Variants in USP40 observed in about 807,000 individuals in gnomAD.
The protein encoded by USP40 is ubiquitin specific peptidase 40, also known as ubiquitin carboxyl-terminal hydrolase 40.
In USP40, 143 loss-of-function variants were observed where a neutral mutation model predicts 166.2. The ratio of observed to expected loss-of-function variants is 0.86; its 90% CI spans 0.75 to 0.99. The LOEUF (loss-of-function observed/expected upper bound fraction) is 0.99, where lower values mean the gene tolerates loss of function less well. Among genes scored for constraint, USP40 ranks in the 50% least tolerant of loss-of-function variants. The pLI, the probability that USP40 is intolerant of heterozygous loss-of-function variation, is 0.00. For missense variants in USP40, 1,444 were observed against 1,479.7 expected (o/e 0.98, Z 0.40); for synonymous variants, 498 against 524.0 (o/e 0.95, Z 0.68).
At chr2:233,500,067 C>T (rs2065976650) in intron 21 of USP40, among the ~76,000 whole-genome samples, 152 bp from the exon 22 acceptor site, 1 of 152,136 alleles carries the variant, frequency 6.6e-6, no homozygotes, top group African/African-American at 2.4e-5. Context: ...GAAGATAATA[C>T]ACGAGTCAGC....
chr2:233,489,007 A>T (rs555847399), intron 27 of USP40, among the ~76,000 whole-genome samples: 1 of 152,198 alleles, frequency 6.6e-6, no homozygotes, highest in South Asian at 2.1e-4. Context: ...AAAGGAAATG[A>T]CCCAAACCTG....
chr2:233,527,664 A>G, intron 12 of USP40, 86 bp from the exon 13 acceptor site: 2 of 1,238,346 alleles, frequency 1.6e-6, no homozygotes, highest in Non-Finnish European at 2.1e-6. Context: ...TCTGGCTTAC[A>G]ATAAAGTTCT....
chr2:233,523,271 A>G lies in USP40; in HGVS notation c.2100T>C (p.Gly700=). 1 of 1,613,950 alleles carries G rather than the reference A, an allele frequency of 6.2e-7. No individual in the cohort carries two copies. The highest frequency in any genetic ancestry group is 8.5e-7 in the Non-Finnish European group (1 of 1,179,872). The part of the protein sequence containing the change: ...INSAGCPGGE[G]WTAIPKEDMR... ...TGTCTTCCTTGGGGATGGCCGTCCA[A>G]CCCTCCCCACCTGGACATCCAGCAC... Residue 700 remains glycine, a synonymous_variant, in exon 16 of 32, where the codon GGT becomes GGC. Coordinates refer to ENST00000678225, the MANE Select transcript of USP40 (RefSeq NM_001365479.2).
rs117751285 is a variant in USP40, at chr2:233,561,079, G to A, written c.268-1155C>T. Reference sequence around the variant, plus strand: ...TGATAATTAATAAAATTATTGCTTTGTGAACAAGCCACTTAATTCCTTCTT... The same window carrying A: ...TGATAATTAATAAAATTATTGCTTTATGAACAAGCCACTTAATTCCTTCTT... On this transcript the variant is annotated intron_variant, in intron 3 of 31. Coordinates refer to ENST00000678225, the MANE Select transcript of USP40 (RefSeq NM_001365479.2). 3.3e-3 allele frequency: 4,692 copies of A among 1,420,588 alleles called. 107 individuals are homozygous for A. In the East Asian group the frequency reaches 0.06, roughly 18 times the overall value. The allele number at this position is 1,420,588 out of a possible 1,614,324, so 88.0% of individuals were successfully genotyped here.
chr2:233,501,147 C>A (rs1452696709), intron 21 of USP40, among the ~76,000 whole-genome samples: 1 of 152,100 alleles, frequency 6.6e-6, no homozygotes, highest in Non-Finnish European at 1.5e-5. Flanking sequence ...AACTTAAAGC[C>A]TTAAACATTG....
intron 21 of USP40, among the ~76,000 whole-genome samples, chr2:233,508,732 G>T (rs2066599798): frequency 6.6e-6 from 1 of 151,980 alleles, no homozygotes; most frequent in Non-Finnish European, 1.5e-5. Context: ...TAGCTACCCT[G>T]GGATATAGTT....
At chr2:233,563,262 T>G (rs906073758) in intron 2 of USP40, among the ~76,000 whole-genome samples, 2 of 152,110 alleles carry the variant, frequency 1.3e-5, no homozygotes, top group Admixed American at 6.6e-5. Context: ...GTGTTGAAGG[T>G]AATAACAGAT....
chr2:233,529,644 A>AT (rs917022981), intron 11 of USP40, 132 bp from the exon 12 acceptor site: 34 of 521,462 alleles, frequency 6.5e-5, no homozygotes, highest in African/African-American at 6.3e-4. Flanking sequence ...GTGAATACGA[A>AT]TTTTCTCAGG....
intron 31 of USP40, among the ~76,000 whole-genome samples, 175 bp downstream of exon 31, chr2:233,481,028 G>C (rs1452603798): frequency 1.3e-5 from 2 of 152,178 alleles, no homozygotes; most frequent in Non-Finnish European, 2.9e-5. Flanking sequence ...CCAGGAGGAG[G>C]CACTCAAGGA....
Position 233,562,801 on chromosome 2 carries a change from C to T in USP40, c.202G>A (p.Ala68Thr), listed in dbSNP as rs2071770858. ...TLHFTPEFREALFSLGPEELG... is the reference protein window; with the variant it reads ...TLHFTPEFRETLFSLGPEELG... ...TCTTCTGGGCCAAGAGAAAATAGAG[C>T]TTCTAAAGAAAAAGGTAGAATCAGA... Residue 68 changes from alanine to threonine, a missense_variant and splice_region_variant, in exon 3 of 32, where the codon GCT becomes ACT. By Grantham distance (58) the Ala-to-Thr change is moderately conservative. Transcript: ENST00000678225. 1 of 1,529,400 alleles carries T rather than the reference C, an allele frequency of 6.5e-7. No individual in the cohort carries two copies. The highest frequency in any genetic ancestry group is 2.5e-5 in the East Asian group (1 of 40,490). 94.7% of individuals were successfully genotyped at this position (1,529,400 alleles called of 1,614,324 possible).
intron 22 of USP40, among the ~76,000 whole-genome samples, chr2:233,499,601 T>C (rs190587590): frequency 6.6e-6 from 1 of 152,302 alleles, no homozygotes; most frequent in Admixed American, 6.5e-5. Flanking sequence ...TCCACAATGG[T>C]TGACCTAATT....
intron 17 of USP40, 102 bp from the exon 18 acceptor site, chr2:233,519,773 T>C: frequency 1.6e-6 from 1 of 616,538 alleles, no homozygotes; most frequent in South Asian, 2.6e-5. Flanking sequence ...GAGATATTAA[T>C]TACCTGACAT....
intron 11 of USP40, among the ~76,000 whole-genome samples, chr2:233,532,243 A>G (rs1251434558): frequency 2.6e-5 from 4 of 152,194 alleles, no homozygotes; most frequent in Non-Finnish European, 5.9e-5. Flanking sequence ...CCTGCAGCCA[A>G]TCAGACTGAT....
rs141241074 is a variant in USP40, at chr2:233,543,131, G to A, written c.967-768C>T. Among the ~76,000 whole-genome samples, 98 of 152,224 alleles carry A rather than the reference G, an allele frequency of 6.4e-4. 1 individual carries two copies. The South Asian group carries it at 0.017, about 26-fold the overall frequency. On this transcript the variant is annotated intron_variant, in intron 8 of 31. Coordinates refer to ENST00000678225, the MANE Select transcript of USP40 (RefSeq NM_001365479.2). ...ATTGGGGAACATGTCAAAATTCCCC[G>A]GTAAGTTATTTTCATTGCCTTTTAT... is the stretch of plus-strand genomic sequence containing the variant.
At chr2:233,558,492 G>A (rs1050471955) in intron 4 of USP40, among the ~76,000 whole-genome samples, 1 of 152,162 alleles carries the variant, frequency 6.6e-6, no homozygotes, top group African/African-American at 2.4e-5. Context: ...AGTACTTTAA[G>A]TGAAAGAAGA....
intron 21 of USP40, among the ~76,000 whole-genome samples, chr2:233,507,610 T>C (rs933578629): frequency 2.0e-5 from 3 of 148,420 alleles, no homozygotes; most frequent in Non-Finnish European, 4.5e-5. Flanking sequence ...CACTCATATG[T>C]GGAATCTTAA....
At position 233,491,222 on chromosome 2, in the gene USP40, T is replaced by C. The variant is rs2065315727; in HGVS notation, c.2957A>G (p.Tyr986Cys). The change falls in exon 26 of 32, where the codon TAC becomes TGC. Residue 986 changes from tyrosine to cysteine, a missense_variant. Tyr to Cys is a radical substitution (Grantham distance 194, BLOSUM62 -2). Transcript: ENST00000678225. Reference protein sequence around the residue: ...GNEPAQVSLLYLGDIEISEDA... With the variant: ...GNEPAQVSLLCLGDIEISEDA... ...TTCTGAGATCTCTATGTCTCCCAAG[T>C]AGAGGAGAGAAACTTGCGCAGGCTC... 4 of 1,612,382 alleles carry C rather than the reference T, an allele frequency of 2.5e-6. No individual in the cohort carries two copies. The East Asian group carries it at 6.7e-5, about 27-fold the overall frequency.
intron 2 of USP40, among the ~76,000 whole-genome samples, 200 bp from the exon 3 acceptor site, chr2:233,563,003 G>T (rs986668671): frequency 6.6e-6 from 1 of 152,036 alleles, no homozygotes; most frequent in African/African-American, 2.4e-5. Context: ...GTCATGCTAA[G>T]GCTTCAGCAT....
intron 30 of USP40, among the ~76,000 whole-genome samples, chr2:233,484,353 C>T (rs950893795): frequency 2.6e-5 from 4 of 152,154 alleles, no homozygotes; most frequent in Non-Finnish European, 5.9e-5. Flanking sequence ...CTAACAGAAG[C>T]TTTCTTTAAC....
Sources: allele counts gnomAD v4.1 joint callset (sites outside exome capture counted in the v4.1 genomes callset), GRCh38; gene constraint gnomAD v4.1.1; transcripts MANE v1.5; gene names NCBI Gene and HGNC (gene_info 2026-07-23, HGNC 2026-07-21).